Variants in NALF2 observed in about 807,000 individuals in gnomAD.
NALF2 encodes the protein NALCN channel auxiliary factor 2.
NALF2 carries 1 observed loss-of-function variant against 24.8 expected under a neutral mutation model. That is an observed-to-expected ratio of 0.04 (90% CI 0.01 to 0.19). The LOEUF is 0.19. Ranked by LOEUF, NALF2 falls within the 10% of genes least tolerant of loss-of-function variation. The pLI is 1.00. For synonymous variants in NALF2, 254 were observed against 189.8 expected (o/e 1.34, Z -2.78); for missense variants, 458 against 409.6 (o/e 1.12, Z -1.02).
At position 69,505,511 on chromosome X, in the gene NALF2, G is replaced by T; in HGVS notation, c.229G>T (p.Ala77Ser). 1 of 1,007,332 alleles carries T rather than the reference G, an allele frequency of 9.9e-7. No individual in the cohort carries two copies. 83.0% of individuals were successfully genotyped at this position (1,007,332 alleles called of 1,213,427 possible). ...ARPRARELSS[A>S]MRPPWGAGRE... ...GCCCCGGGCCAGGGAGCTGAGCAGC[G>T]CCATGCGGCCCCCATGGGGGGCCGG... is the stretch of plus-strand genomic sequence containing the variant. The change falls in exon 1 of 3, where the codon GCC (alanine) becomes TCC (serine). Residue 77 changes from alanine to serine, a missense_variant. By Grantham distance (99) the Ala-to-Ser change is moderately conservative (BLOSUM62 1). Transcript: ENST00000252338.
chrX:69,528,752 C>A (rs1294496601), intron 1 of NALF2, among the ~76,000 whole-genome samples: 1 of 112,251 alleles, frequency 8.9e-6, no homozygotes, highest in Non-Finnish European at 1.9e-5. Flanking sequence ...TTTGCCAACA[C>A]ACAAATTTTG....
At chrX:69,525,146 C>T (rs1026268512) in intron 1 of NALF2, among the ~76,000 whole-genome samples, 7 of 112,166 alleles carry the variant, frequency 6.2e-5, no homozygotes, top group Non-Finnish European at 1.1e-4. Flanking sequence ...AGCGCCCAGC[C>T]ACCATAGCCT....
Position 69,505,062 on chromosome X carries a change from G to A in NALF2, c.-221G>A, listed in dbSNP as rs964462978. 2.8e-5 allele frequency among the ~76,000 whole-genome samples: 3 copies of A among 106,853 alleles called. No homozygotes were observed. Among genetic ancestry groups the A allele is most frequent in the Non-Finnish European group, 5.9e-5 (3 of 51,041 alleles). The allele number at this position is 106,853 out of a possible 115,157, so 92.8% of individuals were successfully genotyped here. A position where few individuals can be genotyped will look rare whatever the true frequency, so the allele number is the denominator to read the frequency against. On this transcript the variant is annotated 5_prime_UTR_variant, in exon 1 of 3. Coordinates refer to ENST00000252338, the MANE Select transcript of NALF2 (RefSeq NM_015686.3). The stretch of plus-strand genomic sequence containing the variant: ...CGGGCCGGGCGGCGGCGCCCGGGCT[G>A]AGAGCGACGGAGCGCGGGAGCGGCG...
chrX:69,506,806 G>A (rs184251626), intron 1 of NALF2, among the ~76,000 whole-genome samples: 2 of 112,730 alleles, frequency 1.8e-5, no homozygotes, highest in Non-Finnish European at 3.8e-5. Flanking sequence ...CTGGTGGGAA[G>A]GCCACTGAAG....
In NALF2 at chrX:69,505,496, A is replaced by G. The variant is rs750987661; in HGVS notation, c.214A>G (p.Arg72Gly). ...WLCAGARPRA[R>G]ELSSAMRPPW... ...GTGCGCGGGGGCCCGGCCCCGGGCCAGGGAGCTGAGCAGCGCCATGCGGCC... is the reference window on the plus strand; with the variant it reads ...GTGCGCGGGGGCCCGGCCCCGGGCCGGGGAGCTGAGCAGCGCCATGCGGCC... Residue 72 changes from arginine to glycine, a missense_variant, in exon 1 of 3, where the codon AGG becomes GGG. Physicochemically the swap from Arg to Gly is moderately radical, Grantham distance 125. Coordinates refer to ENST00000252338, the MANE Select transcript of NALF2 (RefSeq NM_015686.3). 7 of 1,077,434 alleles carry G rather than the reference A, an allele frequency of 6.5e-6. No individual in the cohort carries two copies. In the Admixed American group the frequency reaches 2.5e-4, roughly 38 times the overall value. The allele number at this position is 1,077,434 out of a possible 1,213,427, so 88.8% of individuals were successfully genotyped here. A position where few individuals can be genotyped will look rare whatever the true frequency, so the allele number is the denominator to read the frequency against.
At chrX:69,517,130 C>T (rs1207088455) in intron 1 of NALF2, among the ~76,000 whole-genome samples, 1 of 111,578 alleles carries the variant, frequency 9.0e-6, no homozygotes, top group Non-Finnish European at 1.9e-5. Flanking sequence ...ATTAACCTGA[C>T]TTCAAATTTC....
rs994825151 is a variant in NALF2, at chrX:69,521,934, G to A, written c.862-7059G>A. 2.7e-5 allele frequency among the ~76,000 whole-genome samples: 3 copies of A among 111,950 alleles called. No individual in the cohort carries two copies. The Admixed American group carries it at 2.8e-4, about 11-fold the overall frequency. Reference sequence around the variant, plus strand: ...GAAGATGTTCAAGAAATGTTTGCATGGACAAATAATGAGAAAAACAGACTC... The same window carrying A: ...GAAGATGTTCAAGAAATGTTTGCATAGACAAATAATGAGAAAAACAGACTC... On this transcript the variant is annotated intron_variant, in intron 1 of 2. Transcript: ENST00000252338.
chrX:69,530,502 T>G lies in NALF2; in HGVS notation c.*546T>G, dbSNP rs779319012. The stretch of plus-strand genomic sequence containing the variant: ...GACCATCACACGTGAAGCACCAGGC[T>G]GGGAGATGAGGTGCACACAGTTGCA... On this transcript the variant is annotated 3_prime_UTR_variant, in exon 3 of 3. Coordinates refer to ENST00000252338, the MANE Select transcript of NALF2 (RefSeq NM_015686.3). 1 of 114,338 alleles carries G rather than the reference T, an allele frequency of 8.7e-6. No individual in the cohort carries two copies. Among genetic ancestry groups the G allele is most frequent in the South Asian group, 3.6e-4 (1 of 2,757 alleles). 9.4% of individuals were successfully genotyped at this position (114,338 alleles called of 1,213,427 possible).
chrX:69,505,306 G>T lies in NALF2; in HGVS notation c.24G>T (p.Trp8Cys). The T allele has an allele frequency of 8.7e-7, 1 of 1,155,957 alleles. No individual in the cohort carries two copies. Among genetic ancestry groups the T allele is most frequent in the Non-Finnish European group, 1.2e-6 (1 of 867,929 alleles). Residue 8 changes from tryptophan to cysteine, a missense_variant, in exon 1 of 3, where the codon TGG (tryptophan) becomes TGT (cysteine). Trp to Cys is a radical substitution (Grantham distance 215). Transcript: ENST00000252338. The stretch of plus-strand genomic sequence containing the variant: ...ATATGTTCAGGGGCGCTTGGATGTG[G>T]CCCGGGAAAGACGCCGCCGCGCTGA... MFRGAWM[W>C]PGKDAAALTI...
intron 1 of NALF2, among the ~76,000 whole-genome samples, chrX:69,506,941 C>T (rs982507014): frequency 8.9e-6 from 1 of 112,386 alleles, no homozygotes. Context: ...AGCTGCAGAC[C>T]GGCCCGCCTA....
At chrX:69,520,011 C>G (rs986523982) in intron 1 of NALF2, among the ~76,000 whole-genome samples, 1 of 112,003 alleles carries the variant, frequency 8.9e-6, no homozygotes, top group Non-Finnish European at 1.9e-5. Context: ...CAGAATGCCT[C>G]TCTTCTGTTT....
intron 1 of NALF2, among the ~76,000 whole-genome samples, chrX:69,524,934 C>T (rs1417011530): frequency 6.3e-5 from 7 of 111,992 alleles, no homozygotes; most frequent in Admixed American, 3.8e-4. Flanking sequence ...TGCCTCGCCA[C>T]CCACAGGCCT....
Position 69,505,761 on chromosome X carries a change from C to G in NALF2, c.479C>G (p.Thr160Ser). The change falls in exon 1 of 3, where the codon ACT (threonine) becomes AGT (serine). Residue 160 changes from threonine (T) to serine (S), a missense_variant. Physicochemically the swap from Thr to Ser is moderately conservative, Grantham distance 58. Coordinates refer to ENST00000252338, the MANE Select transcript of NALF2 (RefSeq NM_015686.3). ...LQSLQRLFEP[T>S]TPAPPLRPPD... ...TCTTTGCAGAGACTTTTCGAACCGACTACTCCGGCCCCCCCTCTGCGGCCC... is the reference window on the plus strand; with the variant it reads ...TCTTTGCAGAGACTTTTCGAACCGAGTACTCCGGCCCCCCCTCTGCGGCCC... 1 of 1,211,706 alleles carries G rather than the reference C, an allele frequency of 8.3e-7. No individual in the cohort carries two copies.
In NALF2 at chrX:69,504,796, G is replaced by GGGAGC. The variant is rs1214136128; in HGVS notation, c.-475_-471dup. On this transcript the variant is annotated 5_prime_UTR_variant, in exon 1 of 3. Coordinates refer to ENST00000252338, the MANE Select transcript of NALF2 (RefSeq NM_015686.3). ...CGGGAGCGGAGCGGCGCGGGGCGAG[G>GGGAGC]GGAGCGGAGCGGAGCGCGGCGGCGG... Among the ~76,000 whole-genome samples the GGGAGC allele has an allele frequency of 1.8e-5, 2 of 108,894 alleles. No individual in the cohort carries two copies. The highest frequency in any genetic ancestry group is 3.9e-5 in the Non-Finnish European group (2 of 51,749). The allele number at this position is 108,894 out of a possible 115,157, so 94.6% of individuals were successfully genotyped here. A position where few individuals can be genotyped will look rare whatever the true frequency, so the allele number is the denominator to read the frequency against.
In NALF2 at chrX:69,529,887, C is replaced by G. The variant is rs760153603; in HGVS notation, c.1350C>G (p.Asn450Lys). The change falls in exon 3 of 3, where the codon AAC becomes AAG. Residue 450 changes from asparagine to lysine, a missense_variant. Asn to Lys is a moderately conservative substitution (Grantham distance 94). Coordinates refer to ENST00000252338, the MANE Select transcript of NALF2 (RefSeq NM_015686.3). ...ATACCGTGGTGTCCTTCTCCAGCAA[C>G]CAGGGTGGTGGGGGATTGGGGCTGG... Reference protein sequence around the residue: ...LLHTVVSFSSNQGGGGLGLET... With the variant: ...LLHTVVSFSSKQGGGGLGLET... 3 of 1,209,536 alleles carry G rather than the reference C, an allele frequency of 2.5e-6. No homozygotes were observed. The African/African-American group carries it at 5.3e-5, about 21-fold the overall frequency.
chrX:69,514,211 A>C (rs1307210100), intron 1 of NALF2, among the ~76,000 whole-genome samples: 2 of 97,579 alleles, frequency 2.0e-5, no homozygotes, highest in African/African-American at 8.0e-5. Context: ...AAAAAAAAAA[A>C]CTCCCCATTC....
In NALF2 at chrX:69,505,658, C is replaced by A; in HGVS notation, c.376C>A (p.Pro126Thr). The change falls in exon 1 of 3, where the codon CCC becomes ACC. Residue 126 changes from proline to threonine, a missense_variant. Physicochemically the swap from Pro to Thr is conservative, Grantham distance 38. Coordinates refer to ENST00000252338, the MANE Select transcript of NALF2 (RefSeq NM_015686.3). The part of the protein sequence containing the change: ...PRYSNLTKAA[P>T]AAGSRPVCGG... ...ATACAGCAACCTGACCAAAGCCGCC[C>A]CCGCCGCCGGCTCTCGGCCGGTCTG... 8.3e-7 allele frequency: 1 copy of A among 1,204,115 alleles called. No individual in the cohort carries two copies. Among genetic ancestry groups the A allele is most frequent in the African/African-American group, 1.7e-5 (1 of 57,404 alleles).
Position 69,504,558 on chromosome X carries a change from G to C in NALF2, c.-725G>C, listed in dbSNP as rs1404656929. On this transcript the variant is annotated 5_prime_UTR_variant, in exon 1 of 3. Transcript: ENST00000252338. The stretch of plus-strand genomic sequence containing the variant: ...GTAAAGCCCGGTGTCTGCGTCCGGC[G>C]CCTGTGGCGCTGCCGGGAGCCAGGT... 8.8e-6 allele frequency among the ~76,000 whole-genome samples: 1 copy of C among 113,070 alleles called. No homozygotes were observed. Among genetic ancestry groups the C allele is most frequent in the East Asian group, 2.8e-4 (1 of 3,520 alleles).
At chrX:69,524,789 C>G (rs1569260229) in intron 1 of NALF2, among the ~76,000 whole-genome samples, 1 of 112,021 alleles carries the variant, frequency 8.9e-6, no homozygotes, top group Non-Finnish European at 1.9e-5. Flanking sequence ...CTGAGAAGGA[C>G]CCCAGGCTAC....
Sources: allele counts gnomAD v4.1 joint callset (sites outside exome capture counted in the v4.1 genomes callset), GRCh38; gene constraint gnomAD v4.1.1; transcripts MANE v1.5; gene names NCBI Gene and HGNC (gene_info 2026-07-23, HGNC 2026-07-21).